ARMC9: variants seen among roughly 807,000 people sequenced by gnomAD.
ARMC9 encodes armadillo repeat containing 9.
ARMC9 carries 94 observed loss-of-function variants against 107.0 expected under a neutral mutation model. The observed-to-expected ratio is 0.88, with a 90% CI of 0.74 to 1.04. The LOEUF is 1.04. Among genes scored for constraint, ARMC9 ranks in the 50% least tolerant of loss-of-function variants. ARMC9 has a pLI of 0.00. For missense variants in ARMC9, 942 were observed against 1,030.1 expected (o/e 0.91, Z 1.17); for synonymous variants, 380 against 396.9 (o/e 0.96, Z 0.51).
intron 9 of ARMC9, among the ~76,000 whole-genome samples, chr2:231,250,549 CG>C (rs2037203689): frequency 6.6e-6 from 1 of 152,118 alleles, no homozygotes; most frequent in South Asian, 2.1e-4. Context: ...AAATCAGTGC[CG>C]GCCCATGCTC....
At chr2:231,312,151 C>T (rs1309242631) in intron 19 of ARMC9, among the ~76,000 whole-genome samples, 3 of 152,204 alleles carry the variant, frequency 2.0e-5, no homozygotes, top group Non-Finnish European at 4.4e-5. Context: ...TGGACTTACT[C>T]ATGTGGCTTC....
At chr2:231,242,581 T>G (rs2125377007) in intron 9 of ARMC9, among the ~76,000 whole-genome samples, 1 of 152,214 alleles carries the variant, frequency 6.6e-6, no homozygotes, top group Non-Finnish European at 1.5e-5. Flanking sequence ...CCAGTTAACA[T>G]TCGGACAGTT....
chr2:231,246,806 A>T (rs2036807246), intron 9 of ARMC9, among the ~76,000 whole-genome samples: 1 of 152,114 alleles, frequency 6.6e-6, no homozygotes, highest in East Asian at 1.9e-4. Flanking sequence ...TCCCACGAAC[A>T]CATACAGAGC....
intron 19 of ARMC9, among the ~76,000 whole-genome samples, chr2:231,323,793 A>G (rs915491461): frequency 8.5e-4 from 130 of 152,362 alleles, no homozygotes; most frequent in Non-Finnish European, 4.3e-4. Context: ...ACCTTGGTAC[A>G]AAACTTTTTA....
At chr2:231,259,133 A>C (rs1281200963) in intron 11 of ARMC9, 31 bp downstream of exon 11, 3 of 1,568,332 alleles carry the variant, frequency 1.9e-6, no homozygotes, top group Non-Finnish European at 2.6e-6. Flanking sequence ...GTTAGAAAAC[A>C]AAACCAAACC....
At chr2:231,287,411 T>C (rs185360373) in intron 17 of ARMC9, among the ~76,000 whole-genome samples, 30 of 152,350 alleles carry the variant, frequency 2.0e-4, no homozygotes, top group Admixed American at 9.8e-4. Context: ...TCTGTTGCCT[T>C]GGGAAATTAA....
chr2:231,244,048 G>A (rs766462508), intron 9 of ARMC9, among the ~76,000 whole-genome samples: 11 of 152,156 alleles, frequency 7.2e-5, no homozygotes, highest in East Asian at 1.9e-4. Flanking sequence ...TCAGCTCGCC[G>A]TCAGGTGCTC....
intron 12 of ARMC9, among the ~76,000 whole-genome samples, chr2:231,263,571 A>G (rs928151323): frequency 1.3e-5 from 2 of 152,222 alleles, no homozygotes; most frequent in South Asian, 2.1e-4. Context: ...CTGTACTACT[A>G]CATTGGCAAT....
At chr2:231,339,812 A>C (rs2044384850) in intron 20 of ARMC9, among the ~76,000 whole-genome samples, 1 of 152,226 alleles carries the variant, frequency 6.6e-6, no homozygotes, top group Non-Finnish European at 1.5e-5. Context: ...CATGCCTGTA[A>C]TCCCAGCTAC....
intron 8 of ARMC9, among the ~76,000 whole-genome samples, chr2:231,237,038 A>G (rs1169457034): frequency 6.6e-6 from 1 of 152,260 alleles, no homozygotes; most frequent in Non-Finnish European, 1.5e-5. Flanking sequence ...TGTTTTGGTA[A>G]AAGATTGAAA....
chr2:231,248,681 C>T (rs565363734), intron 9 of ARMC9, among the ~76,000 whole-genome samples: 1 of 152,050 alleles, frequency 6.6e-6, no homozygotes, highest in Non-Finnish European at 1.5e-5. Context: ...GTGGCGCACA[C>T]CTATAATCCT....
intron 23 of ARMC9, among the ~76,000 whole-genome samples, chr2:231,369,696 C>T (rs1463332833): frequency 6.6e-6 from 1 of 151,738 alleles, no homozygotes; most frequent in Admixed American, 6.6e-5. Flanking sequence ...CAGGTTCAAG[C>T]GGTTCTCCTG....
chr2:231,228,247 G>A (rs1217312911), intron 7 of ARMC9, among the ~76,000 whole-genome samples: 4 of 152,214 alleles, frequency 2.6e-5, no homozygotes, highest in East Asian at 3.9e-4. Flanking sequence ...AGACCATCCC[G>A]ACTTGGTGGC....
intron 21 of ARMC9, among the ~76,000 whole-genome samples, chr2:231,351,914 G>C (rs1199982690): frequency 2.0e-5 from 3 of 152,058 alleles, no homozygotes; most frequent in East Asian, 3.9e-4. Flanking sequence ...TAGAATCTTA[G>C]TCCTCTTGAG....
rs1037825462 is a variant in ARMC9 at position 231,376,819 on chromosome 2, T to C, written c.*5284T>C. 7.2e-5 allele frequency among the ~76,000 whole-genome samples: 11 copies of C among 152,152 alleles called. No individual in the cohort carries two copies. The highest frequency in any genetic ancestry group is 2.7e-4 in the African/African-American group (11 of 41,414). On this transcript the variant is annotated 3_prime_UTR_variant, in exon 25 of 25. Coordinates refer to ENST00000611582, the MANE Select transcript of ARMC9 (RefSeq NM_001352754.2). ...TCACGGATCCTACCAACGTGTGATG[T>C]CTCCCCCGGACACCCAGCTTTACAA...
intron 17 of ARMC9, chr2:231,288,692 T>C (rs2040782690): frequency 4.2e-6 from 2 of 471,178 alleles, no homozygotes; most frequent in Non-Finnish European, 8.8e-6. Flanking sequence ...GTTGTGCCCA[T>C]TTTGCTGCTG....
At chr2:231,369,404 T>C (rs1259341082) in intron 23 of ARMC9, among the ~76,000 whole-genome samples, 1 of 151,976 alleles carries the variant, frequency 6.6e-6, no homozygotes, top group Non-Finnish European at 1.5e-5. Context: ...GCAATTCTCC[T>C]GTCTCAGCCT....
At chr2:231,240,897 T>TA (rs902493446) in intron 9 of ARMC9, among the ~76,000 whole-genome samples, 1 of 151,926 alleles carries the variant, frequency 6.6e-6, no homozygotes, top group Non-Finnish European at 1.5e-5. Context: ...TTTCCCCCTT[T>TA]AAAAAAAATA....
intron 8 of ARMC9, among the ~76,000 whole-genome samples, 155 bp downstream of exon 8, chr2:231,235,536 A>G (rs1001191153): frequency 6.6e-6 from 1 of 152,242 alleles, no homozygotes; most frequent in Non-Finnish European, 1.5e-5. Flanking sequence ...TGCATGAAGG[A>G]GATAAAGCTG....
Sources: allele counts gnomAD v4.1 joint callset (sites outside exome capture counted in the v4.1 genomes callset), GRCh38; gene constraint gnomAD v4.1.1; transcripts MANE v1.5; gene names NCBI Gene and HGNC (gene_info 2026-07-23, HGNC 2026-07-21).